The following SIK2 variants were observed in gnomAD, a reference collection of about 807,000 sequenced individuals.
The protein encoded by SIK2 is serine/threonine-protein kinase SIK2.
In SIK2, 29 loss-of-function variants were observed where a neutral mutation model predicts 103.2. That is an observed-to-expected ratio of 0.28 (90% CI 0.21 to 0.38). The LOEUF is 0.38. Ranked by LOEUF, SIK2 falls within the 10% of genes least tolerant of loss-of-function variation. The pLI, the probability that SIK2 is intolerant of heterozygous loss-of-function variation, is 1.00. For synonymous variants in SIK2, 412 were observed against 446.1 expected, an observed-to-expected ratio of 0.92 and a Z score of 0.96; for missense variants, 879 against 1,171.0, an observed-to-expected ratio of 0.75 and a Z score of 3.64.
At chr11:111,676,327 A>G (rs1942703038) in intron 3 of SIK2, among the ~76,000 whole-genome samples, 2 of 152,158 alleles carry the variant, frequency 1.3e-5, no homozygotes, top group African/African-American at 2.4e-5. Context: ...CTTCTTTGAG[A>G]AATCTCCAAA....
At chr11:111,657,446 G>T (rs1391011382) in intron 3 of SIK2, among the ~76,000 whole-genome samples, 4 of 152,202 alleles carry the variant, frequency 2.6e-5, no homozygotes, top group African/African-American at 9.6e-5. Context: ...CTGAAGTGCA[G>T]TGGTGCAGCC....
At chr11:111,717,110 C>G (rs527427365) in intron 9 of SIK2, among the ~76,000 whole-genome samples, 3 of 151,622 alleles carry the variant, frequency 2.0e-5, no homozygotes, top group South Asian at 4.2e-4. Context: ...GTCAGGAGAT[C>G]GAGACCATCC....
At chr11:111,686,698 A>G (rs1399250451) in intron 3 of SIK2, among the ~76,000 whole-genome samples, 1 of 152,244 alleles carries the variant, frequency 6.6e-6, no homozygotes, top group Non-Finnish European at 1.5e-5. Context: ...GGTAATGTTT[A>G]GTTTTATTGA....
intron 2 of SIK2, among the ~76,000 whole-genome samples, chr11:111,618,051 G>A (rs1941832404): frequency 6.6e-6 from 1 of 152,024 alleles, no homozygotes; most frequent in South Asian, 2.1e-4. Flanking sequence ...AGTGTGTTTG[G>A]CTCTAAACCA....
At chr11:111,645,473 C>A (rs1275249364) in intron 3 of SIK2, among the ~76,000 whole-genome samples, 1 of 152,116 alleles carries the variant, frequency 6.6e-6, no homozygotes, top group Non-Finnish European at 1.5e-5. Context: ...TATGTAAAAT[C>A]CAAAACTAAG....
chr11:111,719,887 G>A lies in SIK2; in HGVS notation c.1379G>A (p.Gly460Glu). 5.6e-6 allele frequency: 9 copies of A among 1,614,180 alleles called. No homozygotes were observed. The highest frequency in any genetic ancestry group is 7.6e-6 in the Non-Finnish European group (9 of 1,180,032). ...TSIDEGLETE[G>E]EAEEDPAHAF... ...ATTGACGAAGGGCTGGAGACAGAAG[G>A]AGAGGCCGAGGAAGACCCCGCTCAT... is the stretch of plus-strand genomic sequence containing the variant. Residue 460 changes from glycine (G) to glutamate (E), a missense_variant, in exon 10 of 15, where the codon GGA becomes GAA. Physicochemically the swap from Gly to Glu is moderately conservative, Grantham distance 98 (BLOSUM62 -2). Coordinates refer to ENST00000304987, the MANE Select transcript of SIK2 (RefSeq NM_015191.3).
At chr11:111,643,285 C>A (rs1591598647) in intron 3 of SIK2, among the ~76,000 whole-genome samples, 1 of 151,932 alleles carries the variant, frequency 6.6e-6, no homozygotes, top group African/African-American at 2.4e-5. Context: ...GGGAAGGGAA[C>A]AACACACACC....
chr11:111,702,578 T>G (rs1159670792), intron 6 of SIK2, among the ~76,000 whole-genome samples: 1 of 152,154 alleles, frequency 6.6e-6, no homozygotes, highest in African/African-American at 2.4e-5. Context: ...CCAATAATAA[T>G]ATAATAAATA....
chr11:111,683,302 A>G (rs1323472028), intron 3 of SIK2: 2 of 152,224 alleles, frequency 1.3e-5, no homozygotes, highest in African/African-American at 2.4e-5. Flanking sequence ...GGTCGAGGGT[A>G]TATGAGTAGC....
intron 3 of SIK2, among the ~76,000 whole-genome samples, chr11:111,685,330 T>C (rs1311369791): frequency 1.3e-5 from 2 of 152,236 alleles, no homozygotes; most frequent in Admixed American, 6.5e-5. Context: ...CATGGACCAG[T>C]GCTGGTCCGT....
At chr11:111,715,048 T>C (rs1374014244) in intron 9 of SIK2, among the ~76,000 whole-genome samples, 1 of 152,224 alleles carries the variant, frequency 6.6e-6, no homozygotes, top group Non-Finnish European at 1.5e-5. Context: ...AAGCTTGTGA[T>C]TGTTACTGTA....
chr11:111,602,590 C>T lies in SIK2; in HGVS notation c.27C>T (p.His9=). The change falls in exon 1 of 15, where the codon CAC becomes CAT. Residue 9 remains histidine, a synonymous_variant. Coordinates refer to ENST00000304987, the MANE Select transcript of SIK2 (RefSeq NM_015191.3). The surrounding 1 kb of genome is among the most constrained non-coding windows in gnomAD (Gnocchi z 4.5). ...TGGTCATGGCGGATGGCCCGAGGCA[C>T]TTGCAGCGCGGGCCGGTCCGGGTGG... MVMADGPR[H]LQRGPVRVGF... The T allele has an allele frequency of 1.3e-6, 2 of 1,530,136 alleles. No individual in the cohort carries two copies. Among genetic ancestry groups the T allele is most frequent in the Non-Finnish European group, 1.8e-6 (2 of 1,138,548 alleles). 94.8% of individuals were successfully genotyped at this position (1,530,136 alleles called of 1,614,324 possible).
intron 3 of SIK2, among the ~76,000 whole-genome samples, chr11:111,644,628 C>G (rs1375701093): frequency 6.6e-6 from 1 of 152,006 alleles, no homozygotes; most frequent in African/African-American, 2.4e-5. Context: ...TACTGCAAAA[C>G]AAAGGAATCT....
At chr11:111,709,672 G>C (rs1044325875) in intron 8 of SIK2, among the ~76,000 whole-genome samples, 3 of 152,180 alleles carry the variant, frequency 2.0e-5, no homozygotes, top group African/African-American at 7.2e-5. Context: ...TGAGCATGCT[G>C]TCTGTATATT....
intron 7 of SIK2, 53 bp downstream of exon 7, chr11:111,703,476 C>A: frequency 6.6e-7 from 1 of 1,511,686 alleles, no homozygotes; most frequent in Non-Finnish European, 9.2e-7. Flanking sequence ...CTTGAAATTT[C>A]ATGCTCACAC....
intron 9 of SIK2, among the ~76,000 whole-genome samples, chr11:111,718,148 G>T (rs539653875): frequency 1.3e-5 from 2 of 152,168 alleles, no homozygotes; most frequent in African/African-American, 4.8e-5. Flanking sequence ...GACGGAGGCC[G>T]TAAGTGTAAG....
intron 3 of SIK2, among the ~76,000 whole-genome samples, chr11:111,640,101 CAA>C (rs1942160840): frequency 6.6e-6 from 1 of 152,132 alleles, no homozygotes; most frequent in African/African-American, 2.4e-5. Context: ...TTTCCTGTTC[CAA>C]TACTTCACCA....
intron 8 of SIK2, among the ~76,000 whole-genome samples, chr11:111,707,975 G>A (rs543772568): frequency 1.3e-5 from 2 of 152,318 alleles, no homozygotes; most frequent in African/African-American, 4.8e-5. Flanking sequence ...TGTACCGGGA[G>A]TTTAGTTAAA....
At chr11:111,717,735 A>G (rs1009182785) in intron 9 of SIK2, among the ~76,000 whole-genome samples, 1 of 152,258 alleles carries the variant, frequency 6.6e-6, no homozygotes, top group African/African-American at 2.4e-5. Flanking sequence ...AATGTGGTAC[A>G]TATACACCAT....
Sources: gnomAD v4.1 joint callset for allele counts (sites outside exome capture counted in the v4.1 genomes callset) on GRCh38, gnomAD v4.1.1 for gene constraint, Gnocchi (gnomAD v3.1) non-coding constraint, MANE v1.5 for transcripts, NCBI Gene and HGNC (gene_info 2026-07-23, HGNC 2026-07-21) for gene names.